The following TEX12 variants were observed in gnomAD, a reference collection of about 807,000 sequenced individuals.
TEX12 encodes testis-expressed protein 12.
Under a neutral mutation model 14.6 loss-of-function variants are expected in TEX12, and 7 were observed. That is an observed-to-expected ratio of 0.48 (90% CI 0.27 to 0.90). The LOEUF (loss-of-function observed/expected upper bound fraction) is 0.90. TEX12 is among the 40% of genes least tolerant of loss of function. The probability of loss-of-function intolerance (pLI) is 0.12; values close to 1 mark genes in which losing one functional copy is unlikely to be tolerated. For synonymous variants in TEX12, 57 were observed against 49.1 expected (o/e 1.16, Z -0.67); for missense variants, 121 against 135.7 (o/e 0.89, Z 0.54).
At position 112,171,474 on chromosome 11, in the gene TEX12, C is replaced by T. The variant is rs795468; in HGVS notation, c.228-298C>T. On this transcript the variant is annotated intron_variant, in intron 4 of 4. Transcript: ENST00000280358. The stretch of plus-strand genomic sequence containing the variant: ...TTATGAAGTGTTTTTTTTACACTGC[C>T]GGACAGTCATTATACTTGGATAGTG... Among the ~76,000 whole-genome samples, 37,439 of 151,450 alleles carry T rather than the reference C, an allele frequency of 0.25. 4,843 individuals carry two copies. Among genetic ancestry groups the T allele is most frequent in the Admixed American group, 0.3 (4,529 of 15,236 alleles).
At chr11:112,169,850 T>C (rs1400227200) in intron 2 of TEX12, among the ~76,000 whole-genome samples, 1 of 152,210 alleles carries the variant, frequency 6.6e-6, no homozygotes, top group African/African-American at 2.4e-5. Context: ...AGACGCTTTT[T>C]CAACAGGAGT....
At chr11:112,170,380 T>A in intron 2 of TEX12, 39 bp from the exon 3 acceptor site, 1 of 1,352,000 alleles carries the variant, frequency 7.4e-7, no homozygotes, top group South Asian at 1.3e-5. Context: ...CCTGAAGATC[T>A]TATTGACTGT....
Position 112,172,330 on chromosome 11 carries a change from G to A in TEX12, c.*414G>A, listed in dbSNP as rs1866802243. 6.6e-6 allele frequency: 1 copy of A among 151,826 alleles called. No homozygotes were observed. The highest frequency in any genetic ancestry group is 2.4e-5 in the African/African-American group (1 of 41,400). 9.4% of individuals were successfully genotyped at this position (151,826 alleles called of 1,614,324 possible). Reference sequence around the variant, plus strand: ...GAATATTTTGTTTAAATATCAGATAGTTTTGGAGATAATTTTGAAATTTTT... The same window carrying A: ...GAATATTTTGTTTAAATATCAGATAATTTTGGAGATAATTTTGAAATTTTT... On this transcript the variant is annotated 3_prime_UTR_variant, in exon 5 of 5. Transcript: ENST00000280358.
chr11:112,169,378 T>TA (rs1566755307), intron 2 of TEX12, 47 bp downstream of exon 2: 1 of 1,434,402 alleles, frequency 7.0e-7, no homozygotes, highest in Non-Finnish European at 9.8e-7. Flanking sequence ...CTGTTTTACA[T>TA]ACTACTCAAA....
intron 1 of TEX12, among the ~76,000 whole-genome samples, chr11:112,168,453 C>T (rs976356487): frequency 2.0e-5 from 3 of 152,158 alleles, no homozygotes; most frequent in Non-Finnish European, 4.4e-5. Flanking sequence ...GTCACTTGAT[C>T]CACCGTCACT....
Position 112,171,777 on chromosome 11 carries a change from G to A in TEX12, c.233G>A (p.Arg78Lys). Reference protein sequence around the residue: ...LSTYAKLLSERAAVDASYIDE... With the variant: ...LSTYAKLLSEKAAVDASYIDE... ...ACAACTTTTTTTCCTATTAGTGAGAGAGCAGCAGTAGATGCATCTTACATT... is the reference window on the plus strand; with the variant it reads ...ACAACTTTTTTTCCTATTAGTGAGAAAGCAGCAGTAGATGCATCTTACATT... Residue 78 changes from arginine (R) to lysine (K), a missense_variant, in exon 5 of 5, where the codon AGA becomes AAA. Transcript: ENST00000280358. The A allele has an allele frequency of 6.5e-7, 1 of 1,542,476 alleles. No individual in the cohort carries two copies. Among genetic ancestry groups the A allele is most frequent in the Admixed American group, 2.2e-5 (1 of 46,394 alleles).
At chr11:112,169,621 T>G (rs1866767344) in intron 2 of TEX12, among the ~76,000 whole-genome samples, 1 of 152,202 alleles carries the variant, frequency 6.6e-6, no homozygotes, top group Admixed American at 6.5e-5. Flanking sequence ...TATTTTGCTG[T>G]GATAAGTAAG....
Position 112,170,660 on chromosome 11 carries a change from T to C in TEX12, c.213T>C (p.Tyr71=). The C allele has an allele frequency of 2.5e-6, 4 of 1,611,382 alleles. No individual in the cohort carries two copies. Among genetic ancestry groups the C allele is most frequent in the Non-Finnish European group, 3.4e-6 (4 of 1,178,018 alleles). The change falls in exon 4 of 5, where the codon TAT becomes TAC. Residue 71 remains tyrosine (Y), a synonymous_variant. Coordinates refer to ENST00000280358, the MANE Select transcript of TEX12 (RefSeq NM_031275.4). ...SKEINLMLST[Y]AKLLSERAAV... ...AAATTAATCTAATGTTGTCTACCTA[T>C]GCAAAGCTTTTAAGGCAAGTACTTA...
At chr11:112,168,797 C>T (rs1866756145) in intron 1 of TEX12, among the ~76,000 whole-genome samples, 1 of 152,138 alleles carries the variant, frequency 6.6e-6, no homozygotes, top group Non-Finnish European at 1.5e-5. Context: ...GGTGATCTTC[C>T]TGCCTCAGCT....
chr11:112,172,359 AT>A lies in TEX12; in HGVS notation c.*444del. On this transcript the variant is annotated 3_prime_UTR_variant, in exon 5 of 5. Coordinates refer to ENST00000280358, the MANE Select transcript of TEX12 (RefSeq NM_031275.4). ...TGGAGATAATTTTGAAATTTTTTTT[AT>A]GGTCAGGATTATAAAAGAAGATTAA... The A allele has an allele frequency of 6.6e-6, 1 of 151,986 alleles. No individual in the cohort carries two copies. The highest frequency in any genetic ancestry group is 1.9e-4 in the East Asian group (1 of 5,178). 9.4% of individuals were successfully genotyped at this position (151,986 alleles called of 1,614,324 possible). A position where few individuals can be genotyped will look rare whatever the true frequency, so the allele number is the denominator to read the frequency against.
chr11:112,169,653 T>A (rs1866767546), intron 2 of TEX12, among the ~76,000 whole-genome samples: 1 of 152,240 alleles, frequency 6.6e-6, no homozygotes, highest in African/African-American at 2.4e-5. Flanking sequence ...CTATAGTTAC[T>A]GATCTTTTTA....
At chr11:112,168,688 A>G (rs916027709) in intron 1 of TEX12, among the ~76,000 whole-genome samples, 12 of 151,912 alleles carry the variant, frequency 7.9e-5, no homozygotes, top group African/African-American at 2.7e-4. Flanking sequence ...AGTAGCTGGG[A>G]TTACAGGCGC....
At chr11:112,171,113 G>T (rs768132865) in intron 4 of TEX12, among the ~76,000 whole-genome samples, 2 of 151,988 alleles carry the variant, frequency 1.3e-5, no homozygotes, top group Non-Finnish European at 2.9e-5. Context: ...GAAAAAAAGG[G>T]TGGTTGTGTC....
At chr11:112,171,437 G>C (rs180976664) in intron 4 of TEX12, among the ~76,000 whole-genome samples, 5 of 151,932 alleles carry the variant, frequency 3.3e-5, no homozygotes, top group African/African-American at 4.8e-5. Flanking sequence ...TACTTTATTA[G>C]CCTAATATGT....
intron 1 of TEX12, 118 bp from the exon 2 acceptor site, chr11:112,169,135 G>A (rs1400014053): frequency 2.9e-6 from 2 of 683,832 alleles, no homozygotes; most frequent in African/African-American, 1.8e-5. Flanking sequence ...TTAGGAAAGT[G>A]ACAGATAATG....
intron 4 of TEX12, among the ~76,000 whole-genome samples, chr11:112,171,098 A>G (rs1322273339): frequency 6.6e-6 from 1 of 152,090 alleles, no homozygotes; most frequent in East Asian, 1.9e-4. Flanking sequence ...CATTGAAAAT[A>G]TTTGGAAAAA....
intron 2 of TEX12, 35 bp from the exon 3 acceptor site, chr11:112,170,384 T>C: frequency 1.5e-6 from 2 of 1,362,814 alleles, no homozygotes; most frequent in Non-Finnish European, 2.0e-6. Context: ...AAGATCTTAT[T>C]GACTGTACCT....
chr11:112,171,300 G>A (rs773005966), intron 4 of TEX12, among the ~76,000 whole-genome samples: 2 of 152,122 alleles, frequency 1.3e-5, no homozygotes, highest in South Asian at 2.1e-4. Flanking sequence ...TTTATATAAG[G>A]GACTTGAATA....
At chr11:112,170,821 G>T in intron 4 of TEX12, 147 bp downstream of exon 4, 2 of 589,328 alleles carry the variant, frequency 3.4e-6, no homozygotes, top group South Asian at 5.0e-5. Context: ...CCTTATAATA[G>T]ATTAGTTGGT....
Sources: allele counts gnomAD v4.1 joint callset (sites outside exome capture counted in the v4.1 genomes callset), GRCh38; gene constraint gnomAD v4.1.1; transcripts MANE v1.5; gene names NCBI Gene and HGNC (gene_info 2026-07-23, HGNC 2026-07-21).